Variants in SUPT20H observed in about 807,000 individuals in gnomAD.
SUPT20H encodes SPT20 homolog, SAGA complex component.
SUPT20H carries 82 observed loss-of-function variants against 122.8 expected under a neutral mutation model. That is an observed-to-expected ratio of 0.67 (90% CI 0.56 to 0.80). The LOEUF is 0.80. SUPT20H is among the 30% of genes least tolerant of loss of function. SUPT20H has a pLI of 0.00. For missense variants in SUPT20H, 831 were observed against 921.6 expected (o/e 0.90, Z 1.27); for synonymous variants, 291 against 313.0 (o/e 0.93, Z 0.74).
intron 9 of SUPT20H, among the ~76,000 whole-genome samples, chr13:37,035,518 T>C (rs1005993323): frequency 2.0e-5 from 3 of 151,866 alleles, no homozygotes; most frequent in Non-Finnish European, 4.4e-5. Context: ...GATGACCATA[T>C]ACAGTGTTTT....
chr13:37,014,121 C>T (rs746599092), intron 23 of SUPT20H, among the ~76,000 whole-genome samples: 3 of 151,890 alleles, frequency 2.0e-5, no homozygotes, highest in Non-Finnish European at 2.9e-5. Context: ...AAAAGACGTA[C>T]TAAGCTAACG....
rs1199882432 is a variant in SUPT20H, at chr13:37,022,101, A to G, written c.1592-21T>C. 6.2e-7 allele frequency: 1 copy of G among 1,614,042 alleles called. No homozygotes were observed. The highest frequency in any genetic ancestry group is 8.5e-7 in the Non-Finnish European group (1 of 1,180,012). On this transcript the variant is annotated intron_variant, in intron 19 of 25. Transcript: ENST00000350612. This position sits in a 1 kb window ranked among gnomAD's most constrained non-coding sequence, Gnocchi z 4.5. Reference sequence around the variant, plus strand: ...GGTTCCTGGAGTTATAGATGTTACCATGGTGGAAAGAGGAATGGTTGTTAC... The same window carrying G: ...GGTTCCTGGAGTTATAGATGTTACCGTGGTGGAAAGAGGAATGGTTGTTAC...
intron 17 of SUPT20H, chr13:37,025,108 ATT>A: frequency 2.3e-6 from 1 of 434,302 alleles, no homozygotes; most frequent in Non-Finnish European, 4.3e-6. Flanking sequence ...TGCCCAGCTA[ATT>A]TTTGTGTTTT....
At position 37,047,884 on chromosome 13, in the gene SUPT20H, C is replaced by A. The variant is rs776223815; in HGVS notation, c.92G>T (p.Ser31Ile). 3 of 1,603,938 alleles carry A rather than the reference C, an allele frequency of 1.9e-6. No homozygotes were observed. The highest frequency in any genetic ancestry group is 2.2e-5 in the East Asian group (1 of 44,582). The change falls in exon 4 of 26, where the codon AGT (serine) becomes ATT (isoleucine). Residue 31 changes from serine (S) to isoleucine (I), a missense_variant. By Grantham distance (142) the Ser-to-Ile change is moderately radical (BLOSUM62 -2). Transcript: ENST00000350612. ...QRPPKRKYLS[S>I]GRKSVFQKLY... ...ACCAATTAATTATTCATACCTTCCA[C>A]TTGATAGGTATTTCCTTTTAGGAGG...
At chr13:37,036,031 A>T (rs1348083566) in intron 9 of SUPT20H, among the ~76,000 whole-genome samples, 2 of 152,218 alleles carry the variant, frequency 1.3e-5, no homozygotes, top group African/African-American at 4.8e-5. Context: ...TGAAAGAAAC[A>T]ATCAATGGGG....
Position 37,043,851 on chromosome 13 carries a change from T to C in SUPT20H, c.396+227A>G, listed in dbSNP as rs556707807. ...CTGGGCTCAAGTGATCCTCCTGCCT[T>C]AGCCTCCCAAAGTGCTGGGATTACA... On this transcript the variant is annotated intron_variant, in intron 7 of 25. Coordinates refer to ENST00000350612, the MANE Select transcript of SUPT20H (RefSeq NM_001014286.3). Among the ~76,000 whole-genome samples, 30 of 151,144 alleles carry C rather than the reference T, an allele frequency of 2.0e-4. No homozygotes were observed. In the South Asian group the frequency reaches 5.7e-3, roughly 29 times the overall value.
At chr13:37,047,710 C>T in intron 4 of SUPT20H, 109 bp from the exon 5 acceptor site, 1 of 1,226,806 alleles carries the variant, frequency 8.2e-7, no homozygotes, top group Non-Finnish European at 1.1e-6. Context: ...CTCAATTTCC[C>T]AAAAACTGGG....
At position 37,033,340 on chromosome 13, in the gene SUPT20H, T is replaced by C. The variant is rs192320196; in HGVS notation, c.707+109A>G. 2.3e-3 allele frequency: 3,141 copies of C among 1,384,474 alleles called. 9 individuals carry two copies. The highest frequency in any genetic ancestry group is 2.9e-3 in the Admixed American group (133 of 46,016). The allele number at this position is 1,384,474 out of a possible 1,614,324, so 85.8% of individuals were successfully genotyped here. ...ACAAAGAGAGACCTCATCTCTACCC[T>C]TCCCCACCAAAATCGGAGCAACCAT... On this transcript the variant is annotated intron_variant, in intron 10 of 25. Transcript: ENST00000350612.
chr13:37,044,561 A>G (rs1390110537), intron 6 of SUPT20H, among the ~76,000 whole-genome samples: 1 of 152,192 alleles, frequency 6.6e-6, no homozygotes, highest in East Asian at 1.9e-4. Context: ...TCACTTTTAG[A>G]ACAAAATTCT....
intron 10 of SUPT20H, among the ~76,000 whole-genome samples, chr13:37,032,471 T>G (rs965583177): frequency 6.6e-6 from 1 of 152,204 alleles, no homozygotes; most frequent in African/African-American, 2.4e-5. Context: ...GACAAACCAC[T>G]GCCCCAAACT....
chr13:37,021,626 T>C, intron 20 of SUPT20H, 24 bp from the exon 21 acceptor site: 1 of 1,582,664 alleles, frequency 6.3e-7, no homozygotes, highest in Non-Finnish European at 8.6e-7. Context: ...AGACAAAGCA[T>C]TAAACTTCAC....
chr13:37,023,526 GACA>G (rs1207660904), intron 19 of SUPT20H: 1 of 152,476 alleles, frequency 6.6e-6, no homozygotes. Context: ...TTTAGTAACT[GACA>G]ACAATTTATA....
intron 2 of SUPT20H, among the ~76,000 whole-genome samples, chr13:37,048,802 A>G (rs1230391445): frequency 6.6e-6 from 1 of 152,152 alleles, no homozygotes; most frequent in Non-Finnish European, 1.5e-5. Flanking sequence ...AACAAACTAA[A>G]TAAGAATGCT....
chr13:37,013,529 T>C (rs1014631404), intron 23 of SUPT20H: 2 of 151,444 alleles, frequency 1.3e-5, no homozygotes. Flanking sequence ...ACTATAAAAC[T>C]GTTAGAAAAA....
intron 22 of SUPT20H, among the ~76,000 whole-genome samples, chr13:37,018,739 C>T (rs1453170642): frequency 6.6e-6 from 1 of 152,140 alleles, no homozygotes; most frequent in Non-Finnish European, 1.5e-5. Flanking sequence ...TCACTGCAGC[C>T]TCGACTTCCT....
chr13:37,054,277 C>T (rs981208176), intron 1 of SUPT20H, among the ~76,000 whole-genome samples: 2 of 152,158 alleles, frequency 1.3e-5, no homozygotes, highest in African/African-American at 4.8e-5. Flanking sequence ...ATGAGGCCAG[C>T]ATCATCCTGA....
At chr13:37,019,574 C>T (rs2061144709) in intron 21 of SUPT20H, among the ~76,000 whole-genome samples, 177 bp from the exon 22 acceptor site, 1 of 152,148 alleles carries the variant, frequency 6.6e-6, no homozygotes. Context: ...TTTATCAATA[C>T]TGAGATTTTA....
At chr13:37,056,375 A>G (rs1222901334) in intron 1 of SUPT20H, among the ~76,000 whole-genome samples, 1 of 152,242 alleles carries the variant, frequency 6.6e-6, no homozygotes, top group African/African-American at 2.4e-5. Context: ...CAAATGTCCA[A>G]CAATGATAGA....
chr13:37,043,292 A>G (rs2065825825), intron 7 of SUPT20H, among the ~76,000 whole-genome samples: 1 of 152,170 alleles, frequency 6.6e-6, no homozygotes, highest in Non-Finnish European at 1.5e-5. Context: ...AGGAAACGAG[A>G]GTTCTCATGT....
Sources: allele counts gnomAD v4.1 joint callset (sites outside exome capture counted in the v4.1 genomes callset), GRCh38; gene constraint gnomAD v4.1.1; non-coding constraint Gnocchi (gnomAD v3.1); transcripts MANE v1.5; gene names NCBI Gene and HGNC (gene_info 2026-07-23, HGNC 2026-07-21).